Variants in SNW1 observed in about 807,000 individuals in gnomAD.
The protein encoded by SNW1 is SNW domain containing 1.
SNW1 carries 9 observed loss-of-function variants against 75.6 expected under a neutral mutation model. The ratio of observed to expected loss-of-function variants is 0.12; its 90% CI spans 0.07 to 0.21. SNW1 has a LOEUF of 0.21. SNW1 is among the 10% of genes least tolerant of loss of function. SNW1 has a pLI of 1.00. For missense variants in SNW1, 409 were observed against 670.9 expected, an observed-to-expected ratio of 0.61 and a Z score of 4.31; for synonymous variants, 200 against 219.1, an observed-to-expected ratio of 0.91 and a Z score of 0.77.
intron 10 of SNW1, among the ~76,000 whole-genome samples, chr14:77,727,069 T>G (rs1381285939): frequency 1.3e-5 from 2 of 152,004 alleles, no homozygotes; most frequent in African/African-American, 4.8e-5. Context: ...TTTTTTTGTT[T>G]TTGAGATGAA....
intron 1 of SNW1, among the ~76,000 whole-genome samples, chr14:77,758,610 C>T (rs60806343): frequency 0.022 from 3,409 of 152,254 alleles, 144 homozygotes; most frequent in African/African-American, 0.078. Context: ...GCATGTATTA[C>T]GTGAAATTGC....
At chr14:77,724,788 A>G (rs1019478440) in intron 10 of SNW1, among the ~76,000 whole-genome samples, 3 of 152,220 alleles carry the variant, frequency 2.0e-5, no homozygotes, top group Non-Finnish European at 2.9e-5. Flanking sequence ...TGGTAACTGT[A>G]AAGAGCACTG....
intron 11 of SNW1, chr14:77,722,541 T>C (rs770718110): frequency 8.9e-6 from 4 of 450,714 alleles, no homozygotes; most frequent in African/African-American, 4.0e-5. Flanking sequence ...CCATTTGAGG[T>C]AGAAAAAGAA....
At chr14:77,728,333 C>G (rs2080602071) in intron 10 of SNW1, among the ~76,000 whole-genome samples, 1 of 152,082 alleles carries the variant, frequency 6.6e-6, no homozygotes, top group Admixed American at 6.6e-5. Context: ...CACCTTTAAT[C>G]CCAGCTACTT....
intron 3 of SNW1, among the ~76,000 whole-genome samples, chr14:77,748,135 T>A (rs930876072): frequency 6.6e-6 from 1 of 152,236 alleles, no homozygotes; most frequent in African/African-American, 2.4e-5. Flanking sequence ...CTCTGAAACA[T>A]GTGCTGTGTC....
intron 8 of SNW1, among the ~76,000 whole-genome samples, chr14:77,733,490 A>AT (rs35080957): frequency 0.17 from 25,505 of 152,070 alleles, 2,442 homozygotes; most frequent in Non-Finnish European, 0.22. Context: ...CAAGCCTGTA[A>AT]TCCCAACACT....
intron 1 of SNW1, chr14:77,760,720 A>G (rs578008521): frequency 1.4e-6 from 1 of 702,408 alleles, no homozygotes; most frequent in East Asian, 2.7e-5. Context: ...AACGGCCGGA[A>G]AGCCGCGCAG....
chr14:77,731,420 A>C (rs1218832665), intron 9 of SNW1, among the ~76,000 whole-genome samples: 1 of 152,190 alleles, frequency 6.6e-6, no homozygotes, highest in Non-Finnish European at 1.5e-5. Flanking sequence ...TAAAGAACAA[A>C]ATTAAAGCCA....
chr14:77,757,503 T>C (rs900431597), intron 1 of SNW1, among the ~76,000 whole-genome samples: 8 of 152,216 alleles, frequency 5.3e-5, no homozygotes, highest in Non-Finnish European at 7.3e-5. Flanking sequence ...CATGAACCAG[T>C]TGGTATAGTA....
At position 77,738,834 on chromosome 14, in the gene SNW1, G is replaced by A. The variant is rs570300053; in HGVS notation, c.477C>T (p.Val159=). ...VALEKSVSQK[V]AAAMPVRAAD... ...CTGCTCGAACTGGCATGGCTGCGGC[G>A]ACCTTCTGTGATACAGATTTTTCTA... Residue 159 remains valine (V), a synonymous_variant, in exon 5 of 14, where the codon GTC becomes GTT. Coordinates refer to ENST00000261531, the MANE Select transcript of SNW1 (RefSeq NM_012245.3). 3.5e-5 allele frequency: 56 copies of A among 1,614,092 alleles called. No homozygotes were observed. The highest frequency in any genetic ancestry group is 3.3e-4 in the Admixed American group (20 of 60,002).
intron 11 of SNW1, chr14:77,721,121 T>C (rs2080536972): frequency 3.4e-6 from 1 of 295,996 alleles, no homozygotes; most frequent in South Asian, 4.8e-5. Flanking sequence ...TGCTGAGATA[T>C]AAAATTGCTA....
intron 1 of SNW1, among the ~76,000 whole-genome samples, chr14:77,760,292 A>C (rs2080876768): frequency 6.6e-6 from 1 of 152,148 alleles, no homozygotes; most frequent in African/African-American, 2.4e-5. Flanking sequence ...GTGTTAAAAG[A>C]GCTCAAGCTG....
At chr14:77,730,713 C>A in intron 10 of SNW1, 1 of 291,804 alleles carries the variant, frequency 3.4e-6, no homozygotes, top group Non-Finnish European at 6.3e-6. Flanking sequence ...GAAAATCAAG[C>A]CTATCATTTG....
intron 7 of SNW1, 119 bp from the exon 8 acceptor site, chr14:77,735,131 A>G: frequency 3.2e-6 from 2 of 619,228 alleles, no homozygotes; most frequent in Non-Finnish European, 5.7e-6. Flanking sequence ...AGCCGTAGTA[A>G]AAGGCCAGCA....
In SNW1 at chr14:77,755,106, G is replaced by C; in HGVS notation, c.29C>G (p.Pro10Arg). The change falls in exon 2 of 14, where the codon CCT (proline) becomes CGT (arginine). Residue 10 changes from proline (P) to arginine (R), a missense_variant. Coordinates refer to ENST00000261531, the MANE Select transcript of SNW1 (RefSeq NM_012245.3). Reference sequence around the variant, plus strand: ...AAGCTGGTCCTGAGATAGCTGAGTAGGTGCAGGTAAAAAGCTATAAGCAAA... The same window carrying C: ...AAGCTGGTCCTGAGATAGCTGAGTACGTGCAGGTAAAAAGCTATAAGCAAA... Reference protein sequence around the residue: MALTSFLPAPTQLSQDQLEA... With the variant: MALTSFLPARTQLSQDQLEA... The C allele has an allele frequency of 6.2e-7, 1 of 1,612,420 alleles. No individual in the cohort carries two copies. The highest frequency in any genetic ancestry group is 8.5e-7 in the Non-Finnish European group (1 of 1,179,846).
intron 3 of SNW1, among the ~76,000 whole-genome samples, chr14:77,749,923 A>G (rs933104526): frequency 9.5e-6 from 1 of 105,352 alleles, no homozygotes; most frequent in African/African-American, 3.5e-5. Flanking sequence ...GTGTAGATCC[A>G]GGTGCAGTGG....
intron 10 of SNW1, among the ~76,000 whole-genome samples, chr14:77,728,098 G>A (rs176975): frequency 0.67 from 97,862 of 145,760 alleles, 32,174 homozygotes; most frequent in African/African-American, 0.73. Context: ...TAGGAGATAC[G>A]GGTGTTCATC....
chr14:77,732,949 T>C (rs2080639053), intron 8 of SNW1, among the ~76,000 whole-genome samples: 1 of 152,172 alleles, frequency 6.6e-6, no homozygotes, highest in South Asian at 2.1e-4. Context: ...GCATGAGCCA[T>C]CGAGCCTGGC....
chr14:77,744,562 T>C (rs1018671024), intron 3 of SNW1, among the ~76,000 whole-genome samples: 7 of 151,836 alleles, frequency 4.6e-5, no homozygotes, highest in Admixed American at 2.0e-4. Flanking sequence ...CAAAAATAGA[T>C]AGTTCAGTCT....
Sources: allele counts gnomAD v4.1 joint callset (sites outside exome capture counted in the v4.1 genomes callset), GRCh38; gene constraint gnomAD v4.1.1; transcripts MANE v1.5; gene names NCBI Gene and HGNC (gene_info 2026-07-23, HGNC 2026-07-21).